Variants in DHRS7C observed in about 807,000 individuals in gnomAD.
DHRS7C encodes the protein dehydrogenase/reductase SDR family member 7C.
DHRS7C carries 28 observed loss-of-function variants against 29.6 expected under a neutral mutation model. The ratio of observed to expected loss-of-function variants is 0.95; its 90% CI spans 0.70 to 1.30. DHRS7C has a LOEUF of 1.30. DHRS7C is among the 50% of genes most tolerant of loss of function. The pLI is 0.00. For synonymous variants in DHRS7C, 158 were observed against 160.2 expected, an observed-to-expected ratio of 0.99 and a Z score of 0.10; for missense variants, 403 against 393.3, an observed-to-expected ratio of 1.02 and a Z score of -0.21.
At position 9,774,398 on chromosome 17, in the gene DHRS7C, C is replaced by A. The variant is rs1041407655; in HGVS notation, c.572-1476G>T. Among the ~76,000 whole-genome samples, 4 of 152,210 alleles carry A rather than the reference C, an allele frequency of 2.6e-5. No homozygotes were observed. Among genetic ancestry groups the A allele is most frequent in the African/African-American group, 7.2e-5 (3 of 41,458 alleles). Reference sequence around the variant, plus strand: ...CTCCCGGGCTCAAGCAATTCTCCAGCCTTAGCCTCCCGAGTAACTGAGATT... The same window carrying A: ...CTCCCGGGCTCAAGCAATTCTCCAGACTTAGCCTCCCGAGTAACTGAGATT... On this transcript the variant is annotated intron_variant, in intron 4 of 5. Coordinates refer to ENST00000571134, the MANE Select transcript of DHRS7C (RefSeq NM_001105571.3). This position sits in a 1 kb window ranked among gnomAD's most constrained non-coding sequence, Gnocchi z 5.0.
chr17:9,790,898 T>G (rs1383198306), intron 1 of DHRS7C, among the ~76,000 whole-genome samples: 1 of 152,214 alleles, frequency 6.6e-6, no homozygotes, highest in African/African-American at 2.4e-5. Flanking sequence ...TTTTAGCCCT[T>G]AGGCTGTGAG....
chr17:9,772,458 A>G (rs1326014620), intron 5 of DHRS7C, among the ~76,000 whole-genome samples: 1 of 152,146 alleles, frequency 6.6e-6, no homozygotes, highest in African/African-American at 2.4e-5. Context: ...TTAACCCCGA[A>G]TCCAGGCCAT....
chr17:9,787,420 G>T (rs923969307), intron 1 of DHRS7C, among the ~76,000 whole-genome samples: 2 of 152,196 alleles, frequency 1.3e-5, no homozygotes, highest in African/African-American at 4.8e-5. Flanking sequence ...TGGGAGGCTG[G>T]AGCCCAGTGG....
In DHRS7C at chr17:9,771,632, G is replaced by C; in HGVS notation, c.792C>G (p.Thr264=). Residue 264 remains threonine (T), a synonymous_variant, in exon 6 of 6, where the codon ACC becomes ACG. Transcript: ENST00000571134. ...ACACCTCTTGCTTCTTCCTCCGCAC[G>C]GTGCGCATCACCTCCTCCGCCACCT... ...PVEVAEEVMR[T]VRRKKQEVFM... 1.3e-6 allele frequency: 2 copies of C among 1,594,570 alleles called. No homozygotes were observed. The highest frequency in any genetic ancestry group is 1.7e-6 in the Non-Finnish European group (2 of 1,169,036).
At chr17:9,780,065 G>A (rs757924710) in intron 2 of DHRS7C, 30 bp from the exon 3 acceptor site, 14 of 1,601,954 alleles carry the variant, frequency 8.7e-6, no homozygotes, top group Admixed American at 3.4e-5. Context: ...GTCAGGGTAT[G>A]TGTGAGATCT....
chr17:9,788,405 C>T (rs1481275661), intron 1 of DHRS7C, among the ~76,000 whole-genome samples: 1 of 151,972 alleles, frequency 6.6e-6, no homozygotes, highest in Non-Finnish European at 1.5e-5. Context: ...CGGGGTTTTA[C>T]CATGTTGGCC....
intron 5 of DHRS7C, among the ~76,000 whole-genome samples, chr17:9,772,495 A>G (rs1221389925): frequency 6.6e-6 from 1 of 152,172 alleles, no homozygotes; most frequent in Admixed American, 6.5e-5. Context: ...GCCCAGAGAT[A>G]GGCAGTTGCT....
In DHRS7C at chr17:9,781,478, T is replaced by G; in HGVS notation, c.267+4A>C. ...TACCCACGCCTACTGCTAGAAGACC[T>G]TACCTTGCTGGGGTCAGCCACGCTG... On this transcript the variant is annotated splice_donor_region_variant and intron_variant, in intron 2 of 5. Transcript: ENST00000571134. The G allele has an allele frequency of 6.2e-7, 1 of 1,613,866 alleles. No homozygotes were observed. Among genetic ancestry groups the G allele is most frequent in the Non-Finnish European group, 8.5e-7 (1 of 1,179,794 alleles).
chr17:9,772,798 C>A lies in DHRS7C; in HGVS notation c.696G>T (p.Glu232Asp), dbSNP rs144431013. 3.7e-5 allele frequency: 60 copies of A among 1,613,826 alleles called. No homozygotes were observed. The highest frequency in any genetic ancestry group is 8.5e-6 in the Non-Finnish European group (10 of 1,179,874). Residue 232 changes from glutamate to aspartate, a missense_variant, in exon 5 of 6, where the codon GAG (glutamate) becomes GAT (aspartate). Physicochemically the swap from Glu to Asp is conservative, Grantham distance 45. Coordinates refer to ENST00000571134, the MANE Select transcript of DHRS7C (RefSeq NM_001105571.3). ...TFIRSYHVYP[E>D]QGNWEASIWK... The stretch of plus-strand genomic sequence containing the variant: ...AAATGGAAGCTTCCCAGTTTCCTTG[C>A]TCTGGATACACGTGGTACGACCGGA...
At chr17:9,788,145 C>T (rs1413847680) in intron 1 of DHRS7C, among the ~76,000 whole-genome samples, 3 of 152,190 alleles carry the variant, frequency 2.0e-5, no homozygotes, top group Admixed American at 2.0e-4. Context: ...CAGCTGTATC[C>T]TCTGAAGCAG....
intron 3 of DHRS7C, among the ~76,000 whole-genome samples, chr17:9,779,116 G>C (rs1316560879): frequency 6.6e-6 from 1 of 152,016 alleles, no homozygotes; most frequent in Non-Finnish European, 1.5e-5. Flanking sequence ...CACCATGTTG[G>C]CCAGGCTGGT....
intron 2 of DHRS7C, 47 bp downstream of exon 2, chr17:9,781,435 C>T (rs750225819): frequency 1.6e-5 from 25 of 1,571,430 alleles, no homozygotes; most frequent in South Asian, 1.0e-4. Context: ...TCAATGGAGG[C>T]TGGGAGTTCC....
intron 2 of DHRS7C, 115 bp from the exon 3 acceptor site, chr17:9,780,150 T>TA: frequency 1.9e-5 from 15 of 798,324 alleles, no homozygotes; most frequent in Admixed American, 6.6e-5. Context: ...ATGAAATGAC[T>TA]GAAAAAAAAA....
intron 3 of DHRS7C, among the ~76,000 whole-genome samples, chr17:9,778,456 G>A (rs564800827): frequency 1.7e-4 from 26 of 152,002 alleles, no homozygotes; most frequent in African/African-American, 5.5e-4. Context: ...GAAGTCCGGC[G>A]CTAGGGACTA....
At chr17:9,780,430 G>GA (rs11387517) in intron 2 of DHRS7C, among the ~76,000 whole-genome samples, 19,359 of 148,248 alleles carry the variant, frequency 0.13, 1,509 homozygotes, top group Non-Finnish European at 0.19. Flanking sequence ...CTTGCAAGTT[G>GA]AAAAAAAAAA....
rs763515502 is a variant in DHRS7C at position 9,771,502 on chromosome 17, G to T, written c.922C>A (p.Pro308Thr). 25 of 1,538,436 alleles carry T rather than the reference G, an allele frequency of 1.6e-5. No individual in the cohort carries two copies. Among genetic ancestry groups the T allele is most frequent in the African/African-American group, 1.4e-5 (1 of 72,262 alleles). The change falls in exon 6 of 6, where the codon CCG (proline) becomes ACG (threonine). Residue 308 changes from proline to threonine, a missense_variant. Coordinates refer to ENST00000571134, the MANE Select transcript of DHRS7C (RefSeq NM_001105571.3). ...ACGVKEKLNV[P>T]EEG Reference sequence around the variant, plus strand: ...GCCTCCTGCAGTTACCCCTCCTCCGGGACATTGAGCTTCTCCTTCACCCCA... The same window carrying T: ...GCCTCCTGCAGTTACCCCTCCTCCGTGACATTGAGCTTCTCCTTCACCCCA...
intron 5 of DHRS7C, 135 bp from the exon 6 acceptor site, chr17:9,771,831 G>T: frequency 1.1e-6 from 1 of 896,196 alleles, no homozygotes; most frequent in Non-Finnish European, 1.5e-6. Flanking sequence ...GGCCCCCTCC[G>T]CCACCCGCGG....
chr17:9,771,667 G>C lies in DHRS7C; in HGVS notation c.757C>G (p.His253Asp). 1 of 1,550,658 alleles carries C rather than the reference G, an allele frequency of 6.4e-7. No homozygotes were observed. The highest frequency in any genetic ancestry group is 8.7e-7 in the Non-Finnish European group (1 of 1,145,256). ...ACCTCCTCCGCCACCTCTACTGGGT[G>C]CACGCCGTAGGTCAGCTTCCTGAAA... ...FFFRKLTYGV[H>D]PVEVAEEVMR... Residue 253 changes from histidine to aspartate, a missense_variant, in exon 6 of 6, where the codon CAC becomes GAC. Coordinates refer to ENST00000571134, the MANE Select transcript of DHRS7C (RefSeq NM_001105571.3).
In DHRS7C at chr17:9,781,516, T is replaced by C. The variant is rs1246218535; in HGVS notation, c.233A>G (p.Tyr78Cys). 6.2e-7 allele frequency: 1 copy of C among 1,613,974 alleles called. No homozygotes were observed. The highest frequency in any genetic ancestry group is 1.1e-5 in the South Asian group (1 of 91,078). The change falls in exon 2 of 6, where the codon TAT (tyrosine) becomes TGT (cysteine). Residue 78 changes from tyrosine (Y) to cysteine (C), a missense_variant. Physicochemically the swap from Tyr to Cys is radical, Grantham distance 194. Transcript: ENST00000571134. ...GKNWERLENL[Y>C]DALISVADPS... ...GTCAGCCACGCTGATCAAGGCATCA[T>C]ATAGGTTCTCTAGCCTCTCCCAGTT...
Sources: allele counts gnomAD v4.1 joint callset (sites outside exome capture counted in the v4.1 genomes callset), GRCh38; gene constraint gnomAD v4.1.1; non-coding constraint Gnocchi (gnomAD v3.1); transcripts MANE v1.5; gene names NCBI Gene and HGNC (gene_info 2026-07-23, HGNC 2026-07-21).